RPTOR: variants seen among roughly 807,000 people sequenced by gnomAD.
RPTOR encodes the protein regulatory-associated protein of mTOR.
Under a neutral mutation model 169.9 loss-of-function variants are expected in RPTOR, and 21 were observed. The observed-to-expected ratio is 0.12, with a 90% CI of 0.09 to 0.18. RPTOR has a LOEUF of 0.18. Ranked by LOEUF, RPTOR falls within the 10% of genes least tolerant of loss-of-function variation. The pLI, the probability that RPTOR is intolerant of heterozygous loss-of-function variation, is 1.00. For missense variants in RPTOR, 1,133 were observed against 1,855.9 expected, an observed-to-expected ratio of 0.61 and a Z score of 7.16; for synonymous variants, 732 against 753.2, an observed-to-expected ratio of 0.97 and a Z score of 0.46.
intron 19 of RPTOR, among the ~76,000 whole-genome samples, chr17:80,893,397 T>G (rs1307700420): frequency 3.8e-5 from 5 of 131,580 alleles, no homozygotes; most frequent in African/African-American, 1.5e-4. Flanking sequence ...CATGCCAGGG[T>G]GTGTGTGTGT....
At chr17:80,768,425 A>G (rs957023453) in intron 6 of RPTOR, among the ~76,000 whole-genome samples, 1 of 152,224 alleles carries the variant, frequency 6.6e-6, no homozygotes, top group Non-Finnish European at 1.5e-5. Context: ...TCCTTTTAAC[A>G]TAAAAGGAGC....
chr17:80,966,117 A>ACCCCCCC lies in RPTOR; in HGVS notation c.*1790_*1796dup, dbSNP rs55752459. On this transcript the variant is annotated 3_prime_UTR_variant, in exon 34 of 34. Transcript: ENST00000306801. ...GGCAGGTGGCTCCAGAGGGGTCAAG[A>ACCCCCCC]CCCCCCCCCGCCCCCGCTCCACCCT... 2 of 175,608 alleles carry ACCCCCCC rather than the reference A, an allele frequency of 1.1e-5. No individual in the cohort carries two copies. Among genetic ancestry groups the ACCCCCCC allele is most frequent in the African/African-American group, 3.0e-5 (1 of 33,114 alleles). 10.9% of individuals were successfully genotyped at this position (175,608 alleles called of 1,614,324 possible).
At chr17:80,883,026 A>T (rs1234090348) in intron 14 of RPTOR, among the ~76,000 whole-genome samples, 1 of 152,252 alleles carries the variant, frequency 6.6e-6, no homozygotes, top group Non-Finnish European at 1.5e-5. Flanking sequence ...CGCTGCCTCC[A>T]TGCCTTTTGC....
At chr17:80,836,068 A>C (rs2138118) in intron 9 of RPTOR, among the ~76,000 whole-genome samples, 61,001 of 151,786 alleles carry the variant, frequency 0.4, 14,255 homozygotes, top group Non-Finnish European at 0.51. Flanking sequence ...CTAGAGAGAG[A>C]GCCACGCGCC....
At chr17:80,818,190 C>T (rs1244573098) in intron 7 of RPTOR, among the ~76,000 whole-genome samples, 1 of 152,174 alleles carries the variant, frequency 6.6e-6, no homozygotes, top group Non-Finnish European at 1.5e-5. Context: ...AAACAGGTAC[C>T]ACGAGTCATC....
chr17:80,584,635 T>TTC (rs2065043864), intron 1 of RPTOR, among the ~76,000 whole-genome samples: 2 of 152,236 alleles, frequency 1.3e-5, no homozygotes, highest in Non-Finnish European at 2.9e-5. Flanking sequence ...CCCACAACCT[T>TTC]TCCCCTTTTG....
At position 80,844,393 on chromosome 17, in the gene RPTOR, G is replaced by C. The variant is rs539847275; in HGVS notation, c.1213-2080G>C. Among the ~76,000 whole-genome samples, 1 of 152,324 alleles carries C rather than the reference G, an allele frequency of 6.6e-6. No individual in the cohort carries two copies. The highest frequency in any genetic ancestry group is 6.5e-5 in the Admixed American group (1 of 15,308). On this transcript the variant is annotated intron_variant, in intron 10 of 33. Coordinates refer to ENST00000306801, the MANE Select transcript of RPTOR (RefSeq NM_020761.3). This position sits in a 1 kb window ranked among gnomAD's most constrained non-coding sequence, Gnocchi z 4.7. ...AAAATCCATCAGGCAAAGCTAATGT[G>C]ATAGAAAGAAGAGGTGTAACTATCT...
intron 4 of RPTOR, among the ~76,000 whole-genome samples, chr17:80,723,086 G>A (rs547805669): frequency 6.6e-6 from 1 of 151,268 alleles, no homozygotes; most frequent in South Asian, 2.1e-4. Flanking sequence ...AATGCAGATG[G>A]GTTATTCTCA....
At chr17:80,843,622 G>A (rs2067694991) in intron 10 of RPTOR, among the ~76,000 whole-genome samples, 1 of 152,054 alleles carries the variant, frequency 6.6e-6, no homozygotes, top group African/African-American at 2.4e-5. Context: ...CCGTACAGAG[G>A]GGTAGAATGT....
chr17:80,705,547 A>C (rs935997707), intron 3 of RPTOR, among the ~76,000 whole-genome samples: 5 of 152,250 alleles, frequency 3.3e-5, no homozygotes, highest in African/African-American at 1.2e-4. Flanking sequence ...GTCATAAATT[A>C]GAGTTTTAAT....
chr17:80,917,279 A>G (rs2068685722), intron 21 of RPTOR, among the ~76,000 whole-genome samples: 1 of 151,620 alleles, frequency 6.6e-6, no homozygotes, highest in African/African-American at 2.4e-5. Context: ...TGCCCAGCTA[A>G]TTTTTGTATT....
chr17:80,613,652 C>T (rs1313045020), intron 1 of RPTOR, among the ~76,000 whole-genome samples: 1 of 148,754 alleles, frequency 6.7e-6, no homozygotes, highest in African/African-American at 2.6e-5. Flanking sequence ...TGGTGTTGGA[C>T]TCGGGCTGGG....
intron 7 of RPTOR, among the ~76,000 whole-genome samples, chr17:80,819,250 T>C (rs974146068): frequency 2.1e-4 from 32 of 152,350 alleles, no homozygotes; most frequent in Admixed American, 1.2e-3. Context: ...GGCACACTCA[T>C]TGCAGTAAAT....
chr17:80,768,482 C>G (rs532598183), intron 6 of RPTOR, among the ~76,000 whole-genome samples: 1 of 152,176 alleles, frequency 6.6e-6, no homozygotes, highest in African/African-American at 2.4e-5. Flanking sequence ...CAGTTGGGCT[C>G]TCATAGCTAC....
chr17:80,674,826 CAACTTCTCAACATAAGGTCT>C (rs2065850735), intron 3 of RPTOR, among the ~76,000 whole-genome samples: 1 of 113,688 alleles, frequency 8.8e-6, no homozygotes, highest in Non-Finnish European at 1.8e-5. Context: ...AAAAAAAAAA[CAACTTCTCAACATAAGGTCT>C]AACAAGATCA....
intron 1 of RPTOR, among the ~76,000 whole-genome samples, chr17:80,613,371 G>A (rs145081207): frequency 7.2e-5 from 11 of 152,302 alleles, no homozygotes; most frequent in African/African-American, 2.2e-4. Flanking sequence ...GAAGGGACAG[G>A]GCACATCTTG....
intron 24 of RPTOR, among the ~76,000 whole-genome samples, chr17:80,938,092 G>A (rs1024945009): frequency 4.6e-5 from 7 of 152,262 alleles, no homozygotes; most frequent in East Asian, 1.9e-4. Context: ...CCCCTGGGCC[G>A]GGAGAGGGCC....
chr17:80,863,425 A>G (rs1227253619), intron 13 of RPTOR, among the ~76,000 whole-genome samples: 1 of 152,260 alleles, frequency 6.6e-6, no homozygotes, highest in Non-Finnish European at 1.5e-5. Context: ...AAACCTGCTC[A>G]GAACTGCTGC....
At chr17:80,670,325 C>A (rs765898194) in intron 3 of RPTOR, among the ~76,000 whole-genome samples, 7 of 152,186 alleles carry the variant, frequency 4.6e-5, no homozygotes, top group Non-Finnish European at 7.3e-5. Context: ...TTTGCGCCTT[C>A]CCTCTCCTTT....
Sources: gnomAD v4.1 joint callset for allele counts (sites outside exome capture counted in the v4.1 genomes callset) on GRCh38, gnomAD v4.1.1 for gene constraint, Gnocchi (gnomAD v3.1) non-coding constraint, MANE v1.5 for transcripts, NCBI Gene and HGNC (gene_info 2026-07-23, HGNC 2026-07-21) for gene names.